Variants in PITPNC1 observed in about 807,000 individuals in gnomAD.
PITPNC1 encodes the protein phosphatidylinositol transfer protein cytoplasmic 1, also known as cytoplasmic phosphatidylinositol transfer protein 1.
In PITPNC1, 18 loss-of-function variants were observed where a neutral mutation model predicts 44.7. The observed-to-expected ratio is 0.40, with a 90% CI of 0.28 to 0.60. PITPNC1 has a LOEUF of 0.60. PITPNC1 is among the 20% of genes least tolerant of loss of function. The pLI is 0.39. For synonymous variants in PITPNC1, 141 were observed against 149.6 expected (o/e 0.94, Z 0.42); for missense variants, 290 against 418.4 (o/e 0.69, Z 2.68).
chr17:67,429,575 A>G (rs927561610), intron 1 of PITPNC1, among the ~76,000 whole-genome samples: 6 of 152,028 alleles, frequency 3.9e-5, no homozygotes, highest in African/African-American at 1.4e-4. Context: ...GCGATTGCCT[A>G]TAATCGTAGC....
At chr17:67,409,287 T>G (rs2038455979) in intron 1 of PITPNC1, among the ~76,000 whole-genome samples, 2 of 150,790 alleles carry the variant, frequency 1.3e-5, no homozygotes, top group South Asian at 4.2e-4. Flanking sequence ...GGTTTCACCT[T>G]GTTAGCCAGG....
intron 1 of PITPNC1, among the ~76,000 whole-genome samples, chr17:67,498,856 GT>G (rs762263636): frequency 4.0e-4 from 55 of 136,794 alleles, no homozygotes; most frequent in African/African-American, 8.9e-4. Context: ...TATCTTCTTT[GT>G]TTTTTTTTTT....
At chr17:67,452,006 GT>G (rs1321619191) in intron 1 of PITPNC1, among the ~76,000 whole-genome samples, 4 of 147,532 alleles carry the variant, frequency 2.7e-5, no homozygotes, top group Non-Finnish European at 3.0e-5. Flanking sequence ...CAGTGGTTGG[GT>G]TTTTTTTTTG....
intron 8 of PITPNC1, among the ~76,000 whole-genome samples, chr17:67,683,843 T>C (rs2042758951): frequency 6.6e-6 from 1 of 151,472 alleles, no homozygotes; most frequent in South Asian, 2.1e-4. Flanking sequence ...CCGGGCGTGG[T>C]GGCACACACC....
At chr17:67,486,924 T>G (rs912686740) in intron 1 of PITPNC1, among the ~76,000 whole-genome samples, 5 of 151,864 alleles carry the variant, frequency 3.3e-5, no homozygotes, top group African/African-American at 1.2e-4. Context: ...TCCCAGCTAC[T>G]TGGGAGGCTG....
intron 1 of PITPNC1, among the ~76,000 whole-genome samples, chr17:67,421,139 G>A (rs907759258): frequency 6.6e-6 from 1 of 152,070 alleles, no homozygotes; most frequent in Non-Finnish European, 1.5e-5. Flanking sequence ...CTTCTTGATG[G>A]TGCTAGTGAG....
At position 67,692,747 on chromosome 17, in the gene PITPNC1, A is replaced by G; in HGVS notation, c.858A>G (p.Glu286=). The part of the protein sequence containing the change: ...PSTPLSTDAP[E]FLSVPKDRPR... ...CCCCTCTCTCCACAGACGCACCCGAATTTCTGTCCGTTCCCAAAGATCGGC... is the reference window on the plus strand; with the variant it reads ...CCCCTCTCTCCACAGACGCACCCGAGTTTCTGTCCGTTCCCAAAGATCGGC... Residue 286 remains glutamate (E), a synonymous_variant, in exon 9 of 9, where the codon GAA becomes GAG. Transcript: ENST00000581322. 1 of 1,613,724 alleles carries G rather than the reference A, an allele frequency of 6.2e-7. No homozygotes were observed.
At chr17:67,631,108 TG>T (rs2041961701) in intron 5 of PITPNC1, among the ~76,000 whole-genome samples, 1 of 148,420 alleles carries the variant, frequency 6.7e-6, no homozygotes, top group African/African-American at 2.5e-5. Context: ...TTGCAAGTGA[TG>T]TGCATTCTGG....
chr17:67,502,739 C>CACTGCATTGTATTGT (rs2040048938), intron 1 of PITPNC1, among the ~76,000 whole-genome samples: 1 of 133,576 alleles, frequency 7.5e-6, no homozygotes, highest in African/African-American at 3.2e-5. Context: ...TATTGCATTG[C>CACTGCATTGTATTGT]ATTGCATTGT....
At chr17:67,481,598 CA>C (rs892253571) in intron 1 of PITPNC1, among the ~76,000 whole-genome samples, 12 of 152,040 alleles carry the variant, frequency 7.9e-5, no homozygotes, top group African/African-American at 2.7e-4. Flanking sequence ...CTTGGCCTCC[CA>C]AAGTGGGATT....
At chr17:67,498,707 G>A (rs898102541) in intron 1 of PITPNC1, among the ~76,000 whole-genome samples, 28 of 152,228 alleles carry the variant, frequency 1.8e-4, no homozygotes, top group Admixed American at 1.2e-3. Context: ...GCCAACACTT[G>A]TTATTTTCTG....
chr17:67,433,919 A>G (rs917840184), intron 1 of PITPNC1, among the ~76,000 whole-genome samples: 1 of 151,918 alleles, frequency 6.6e-6, no homozygotes, highest in African/African-American at 2.4e-5. Flanking sequence ...CCATAATAAT[A>G]ATAATAATAA....
At chr17:67,687,151 T>C (rs751723045) in intron 8 of PITPNC1, 3 of 1,603,514 alleles carry the variant, frequency 1.9e-6, no homozygotes, top group South Asian at 1.1e-5. Flanking sequence ...ATTCCTCCCC[T>C]GTGGATGACA....
intron 8 of PITPNC1, chr17:67,687,188 C>G (rs753651909): frequency 6.7e-7 from 1 of 1,483,288 alleles, no homozygotes; most frequent in Non-Finnish European, 9.4e-7. Context: ...AACAAGTGTA[C>G]GTAGAATTTT....
At chr17:67,485,692 A>T (rs1290327778) in intron 1 of PITPNC1, among the ~76,000 whole-genome samples, 1 of 152,140 alleles carries the variant, frequency 6.6e-6, no homozygotes, top group Non-Finnish European at 1.5e-5. Context: ...TTGCCAATTT[A>T]GTCTGTAAGA....
chr17:67,409,531 CT>C (rs566065733), intron 1 of PITPNC1, among the ~76,000 whole-genome samples: 280 of 144,690 alleles, frequency 1.9e-3, no homozygotes, highest in South Asian at 5.9e-3. Context: ...CAAATCATTT[CT>C]TTTTTTTTTT....
intron 6 of PITPNC1, among the ~76,000 whole-genome samples, chr17:67,658,567 G>A (rs1304014554): frequency 2.0e-5 from 3 of 152,076 alleles, no homozygotes. Flanking sequence ...CTCACTCTCT[G>A]GTGTCTGCAT....
chr17:67,536,785 A>T (rs1236311174), intron 2 of PITPNC1, among the ~76,000 whole-genome samples: 1 of 152,224 alleles, frequency 6.6e-6, no homozygotes, highest in Non-Finnish European at 1.5e-5. Context: ...AGTTCTGGCC[A>T]ATGAGACATG....
chr17:67,592,353 A>G lies in PITPNC1; in HGVS notation c.366+14096A>G, dbSNP rs572397202. The stretch of plus-strand genomic sequence containing the variant: ...CGAAATTATTATCAAAGGACCTAAC[A>G]AAGACCTGAACAAATTATAAATACT... On this transcript the variant is annotated intron_variant, in intron 5 of 8. Transcript: ENST00000581322. 5.9e-5 allele frequency among the ~76,000 whole-genome samples: 9 copies of G among 152,334 alleles called. No homozygotes were observed. In the East Asian group the frequency reaches 1.7e-3, roughly 29 times the overall value.
Sources: allele counts gnomAD v4.1 joint callset (sites outside exome capture counted in the v4.1 genomes callset), GRCh38; gene constraint gnomAD v4.1.1; transcripts MANE v1.5; gene names NCBI Gene and HGNC (gene_info 2026-07-23, HGNC 2026-07-21).